Variants in IL1RAPL2 observed in about 807,000 individuals in gnomAD.
IL1RAPL2 encodes interleukin 1 receptor accessory protein like 2, also known as X-linked interleukin-1 receptor accessory protein-like 2.
Under a neutral mutation model 44.1 loss-of-function variants are expected in IL1RAPL2, and 3 were observed. That is an observed-to-expected ratio of 0.07 (90% CI 0.03 to 0.18). The LOEUF (loss-of-function observed/expected upper bound fraction) is 0.18. IL1RAPL2 is among the 10% of genes least tolerant of loss of function. The pLI is 1.00. For missense variants in IL1RAPL2, 391 were observed against 496.4 expected (o/e 0.79, Z 2.02); for synonymous variants, 181 against 178.8 (o/e 1.01, Z -0.10).
intron 2 of IL1RAPL2, among the ~76,000 whole-genome samples, chrX:104,791,782 T>C (rs1355744968): frequency 8.9e-6 from 1 of 111,785 alleles, no homozygotes; most frequent in East Asian, 2.9e-4. Flanking sequence ...TTCCTCTTAC[T>C]GAACCTCAGT....
At chrX:105,526,523 T>C (rs1473027548) in intron 6 of IL1RAPL2, among the ~76,000 whole-genome samples, 1 of 111,823 alleles carries the variant, frequency 8.9e-6, no homozygotes, top group East Asian at 2.8e-4. Context: ...AGTCAAATAT[T>C]TAATATTGAA....
At chrX:105,019,382 A>G (rs1439817402) in intron 2 of IL1RAPL2, among the ~76,000 whole-genome samples, 2 of 111,820 alleles carry the variant, frequency 1.8e-5, no homozygotes, top group East Asian at 2.8e-4. Context: ...AAAATCAGCC[A>G]TAAGTGCCTT....
chrX:105,040,666 C>A (rs1050932532), intron 2 of IL1RAPL2, among the ~76,000 whole-genome samples: 15 of 110,236 alleles, frequency 1.4e-4, no homozygotes, highest in African/African-American at 4.1e-4. Context: ...AGTTTATTTG[C>A]GTAGAGGTGT....
At chrX:104,674,231 G>A (rs1435452532) in intron 2 of IL1RAPL2, among the ~76,000 whole-genome samples, 2 of 111,683 alleles carry the variant, frequency 1.8e-5, no homozygotes, top group South Asian at 3.8e-4. Context: ...TATCGGCTGT[G>A]GGTTTGTCAT....
intron 2 of IL1RAPL2, among the ~76,000 whole-genome samples, chrX:104,747,150 C>T (rs780407777): frequency 7.2e-5 from 8 of 110,783 alleles, no homozygotes; most frequent in Non-Finnish European, 1.3e-4. Context: ...CATGTTTTCC[C>T]TCTACTTGTC....
At chrX:105,160,840 A>G (rs2033316857) in intron 2 of IL1RAPL2, among the ~76,000 whole-genome samples, 1 of 112,071 alleles carries the variant, frequency 8.9e-6, no homozygotes, top group Admixed American at 9.5e-5. Flanking sequence ...AAGAAAACTA[A>G]ACAGAATATC....
intron 2 of IL1RAPL2, among the ~76,000 whole-genome samples, chrX:104,964,321 A>T (rs1279882676): frequency 1.0e-5 from 1 of 99,007 alleles, no homozygotes; most frequent in Non-Finnish European, 2.0e-5. Flanking sequence ...TATTTATTTT[A>T]TTTATTTTGA....
At chrX:105,553,188 T>C (rs2036871268) in intron 6 of IL1RAPL2, among the ~76,000 whole-genome samples, 1 of 111,675 alleles carries the variant, frequency 9.0e-6, no homozygotes, top group Admixed American at 9.5e-5. Flanking sequence ...GTTGTAAAGA[T>C]AGAAAAAATA....
At chrX:105,614,554 T>C (rs2037359263) in intron 6 of IL1RAPL2, among the ~76,000 whole-genome samples, 1 of 111,217 alleles carries the variant, frequency 9.0e-6, no homozygotes, top group African/African-American at 3.3e-5. Flanking sequence ...CAATTTGGAC[T>C]TAGGTGCCAA....
intron 2 of IL1RAPL2, among the ~76,000 whole-genome samples, chrX:104,836,891 C>T (rs938547122): frequency 2.7e-5 from 3 of 110,205 alleles, no homozygotes; most frequent in African/African-American, 9.9e-5. Context: ...CATCCTCTTA[C>T]CCCCTATCCC....
At chrX:105,622,168 CAATT>C (rs1416012336) in intron 6 of IL1RAPL2, among the ~76,000 whole-genome samples, 4 of 109,057 alleles carry the variant, frequency 3.7e-5, no homozygotes, top group Non-Finnish European at 5.7e-5. Context: ...ATTAGCATGA[CAATT>C]AAATGTTTTA....
chrX:105,312,065 T>G (rs2034802079), intron 5 of IL1RAPL2, among the ~76,000 whole-genome samples: 1 of 111,828 alleles, frequency 8.9e-6, no homozygotes, highest in South Asian at 3.7e-4. Flanking sequence ...AACACATCAT[T>G]TAAATGACTT....
In IL1RAPL2 at chrX:105,593,731, G is replaced by A. The variant is rs1323060941; in HGVS notation, c.772+109344G>A. On this transcript the variant is annotated intron_variant, in intron 6 of 10. Coordinates refer to ENST00000372582, the MANE Select transcript of IL1RAPL2 (RefSeq NM_017416.2). ...CTGGGCTATGGGGTCTATCTTTGGG[G>A]TTCTGGTATTGGGTCCCCAGCTTTG... 2.7e-5 allele frequency among the ~76,000 whole-genome samples: 3 copies of A among 111,007 alleles called. No individual in the cohort carries two copies. The East Asian group carries it at 8.5e-4, about 32-fold the overall frequency.
intron 2 of IL1RAPL2, among the ~76,000 whole-genome samples, chrX:105,063,021 G>A (rs765726920): frequency 2.7e-5 from 3 of 110,923 alleles, no homozygotes; most frequent in Admixed American, 9.6e-5. Flanking sequence ...AATAAACTTC[G>A]TAGCCCTATT....
intron 6 of IL1RAPL2, among the ~76,000 whole-genome samples, chrX:105,494,301 T>A (rs780284748): frequency 9.0e-6 from 1 of 111,362 alleles, no homozygotes; most frequent in South Asian, 3.8e-4. Flanking sequence ...GAAAAAAAAA[T>A]AACGCTACAA....
chrX:104,872,239 T>C (rs1388444650), intron 2 of IL1RAPL2, among the ~76,000 whole-genome samples: 1 of 112,090 alleles, frequency 8.9e-6, no homozygotes, highest in African/African-American at 3.2e-5. Flanking sequence ...GGACCTGGAC[T>C]CTAAACACAA....
intron 2 of IL1RAPL2, among the ~76,000 whole-genome samples, chrX:105,176,285 GA>G (rs2147602759): frequency 9.0e-6 from 1 of 111,074 alleles, no homozygotes; most frequent in East Asian, 2.8e-4. Context: ...TTCCCAGAGG[GA>G]AAAAGGTGAG....
intron 5 of IL1RAPL2, among the ~76,000 whole-genome samples, chrX:105,363,298 A>T (rs1602377608): frequency 1.3e-5 from 1 of 79,101 alleles, no homozygotes; most frequent in South Asian, 4.9e-4. Flanking sequence ...TAATATATAT[A>T]TATATATATA....
At chrX:104,797,591 C>A (rs1222653238) in intron 2 of IL1RAPL2, among the ~76,000 whole-genome samples, 3 of 111,841 alleles carry the variant, frequency 2.7e-5, no homozygotes, top group African/African-American at 9.8e-5. Context: ...ATTTCATAAA[C>A]TTATTTCCTT....
Sources: allele counts gnomAD v4.1 joint callset (sites outside exome capture counted in the v4.1 genomes callset), GRCh38; gene constraint gnomAD v4.1.1; transcripts MANE v1.5; gene names NCBI Gene and HGNC (gene_info 2026-07-23, HGNC 2026-07-21).